Variants in KCNAB2 observed in about 807,000 individuals in gnomAD.
KCNAB2 encodes the protein voltage-gated potassium channel subunit beta-2.
KCNAB2 carries 29 observed loss-of-function variants against 63.6 expected under a neutral mutation model. That is an observed-to-expected ratio of 0.46 (90% confidence interval 0.34 to 0.62). The LOEUF (loss-of-function observed/expected upper bound fraction) is 0.62. Among genes scored for constraint, KCNAB2 ranks in the 20% least tolerant of loss-of-function variants. The pLI is 0.01. For missense variants in KCNAB2, 359 were observed against 563.9 expected (o/e 0.64, Z 3.68); for synonymous variants, 222 against 224.2 (o/e 0.99, Z 0.09).
chr1:6,071,809 C>T lies in KCNAB2; in HGVS notation c.219-946C>T, dbSNP rs896813593. On this transcript the variant is annotated intron_variant, in intron 2 of 15. Transcript: ENST00000378083. The surrounding 1 kb of genome is among the most constrained non-coding windows in gnomAD (Gnocchi z 8.5). ...TCCTGCCACATAGGGCACCTCCTGC[C>T]GCGAGGGCACCTCCTGCCGCATAGG... Among the ~76,000 whole-genome samples, 3 of 150,264 alleles carry T rather than the reference C, an allele frequency of 2.0e-5. No individual in the cohort carries two copies. Among genetic ancestry groups the T allele is most frequent in the East Asian group, 2.0e-4 (1 of 5,102 alleles).
intron 1 of KCNAB2, among the ~76,000 whole-genome samples, chr1:5,999,004 C>T (rs1015053730): frequency 9.2e-5 from 14 of 152,230 alleles, no homozygotes; most frequent in Admixed American, 1.3e-4. Context: ...GGCTGGCGGG[C>T]GTAGACGAAG....
intron 2 of KCNAB2, among the ~76,000 whole-genome samples, chr1:6,070,129 G>A (rs1003008701): frequency 4.6e-5 from 7 of 152,172 alleles, no homozygotes; most frequent in Non-Finnish European, 7.3e-5. Context: ...CTCCCTTCTC[G>A]ATGCCCAGAC....
chr1:6,032,043 C>T (rs530302013), upstream of KCNAB2, among the ~76,000 whole-genome samples: 35 of 152,178 alleles, frequency 2.3e-4, 1 homozygote, highest in Non-Finnish European at 4.4e-4. Flanking sequence ...ACCAGCAATG[C>T]CTTCCTGGGG....
At chr1:6,020,848 T>G (rs1260296262) in intron 1 of KCNAB2, among the ~76,000 whole-genome samples, 3 of 152,118 alleles carry the variant, frequency 2.0e-5, no homozygotes, top group Non-Finnish European at 4.4e-5. Context: ...TGTGTAGAGA[T>G]GGGGTTTCAC....
At chr1:6,007,057 G>T (rs1657839098) in intron 1 of KCNAB2, among the ~76,000 whole-genome samples, 1 of 152,154 alleles carries the variant, frequency 6.6e-6, no homozygotes, top group African/African-American at 2.4e-5. Context: ...CTCAGGGCTG[G>T]CCGAGAGTCA....
chr1:6,041,909 C>T (rs182407257), upstream of KCNAB2: 46 of 1,605,660 alleles, frequency 2.9e-5, no homozygotes, highest in East Asian at 4.5e-4. Flanking sequence ...CCCAGCGAGC[C>T]GAAGGCCAGG....
At chr1:6,072,902 T>G in intron 3 of KCNAB2, 104 bp downstream of exon 3, 3 of 1,071,012 alleles carry the variant, frequency 2.8e-6, no homozygotes, top group Non-Finnish European at 2.8e-6. Flanking sequence ...GCCCAAACCT[T>G]GGCACTCCCC....
At chr1:6,070,849 C>G (rs1055805746) in intron 2 of KCNAB2, among the ~76,000 whole-genome samples, 1 of 152,184 alleles carries the variant, frequency 6.6e-6, no homozygotes, top group African/African-American at 2.4e-5. Flanking sequence ...TTCAGAGCCT[C>G]AGCCCATAGC....
intron 1 of KCNAB2, among the ~76,000 whole-genome samples, chr1:6,027,054 C>T (rs768838255): frequency 2.2e-4 from 34 of 152,226 alleles, no homozygotes; most frequent in Non-Finnish European, 4.1e-4. Flanking sequence ...CACCCTGCAA[C>T]CCCTTGCACA....
chr1:6,025,330 G>A (rs1659078241), intron 1 of KCNAB2, among the ~76,000 whole-genome samples: 1 of 152,118 alleles, frequency 6.6e-6, no homozygotes, highest in Admixed American at 6.5e-5. Context: ...GGTGCAGGTG[G>A]CTGGCACCAT....
At chr1:6,039,208 C>G (rs1327504783) in intron 1 of KCNAB2, among the ~76,000 whole-genome samples, 1 of 152,190 alleles carries the variant, frequency 6.6e-6, no homozygotes, top group East Asian at 1.9e-4. Flanking sequence ...CATCCGCAGA[C>G]AGTGTGAGCT....
At chr1:6,077,643 G>A (rs755163127) in intron 4 of KCNAB2, among the ~76,000 whole-genome samples, 14 of 152,342 alleles carry the variant, frequency 9.2e-5, no homozygotes, top group South Asian at 4.1e-4. Context: ...CAGGGCCACC[G>A]TGCTCCGGAG....
chr1:6,096,607 G>C lies in KCNAB2; in HGVS notation c.949-29G>C, dbSNP rs1210806973. ...TCCAGGTGACCTGCTCTCATCTGTA[G>C]CTGTGCTGCTCCCCTCCCCCGCAAC... On this transcript the variant is annotated intron_variant, in intron 13 of 15. Coordinates refer to ENST00000378083, the MANE Select transcript of KCNAB2 (RefSeq NM_001199862.2). This position sits in a 1 kb window ranked among gnomAD's most constrained non-coding sequence, Gnocchi z 5.9. 1.2e-6 allele frequency: 2 copies of C among 1,602,946 alleles called. No homozygotes were observed. Among genetic ancestry groups the C allele is most frequent in the African/African-American group, 2.7e-5 (2 of 74,798 alleles).
intron 13 of KCNAB2, 27 bp downstream of exon 13, chr1:6,095,651 A>G: frequency 6.2e-7 from 1 of 1,605,556 alleles, no homozygotes; most frequent in Non-Finnish European, 8.5e-7. Context: ...GTGGGGAGGG[A>G]CGGGCAGGGG....
intron 1 of KCNAB2, among the ~76,000 whole-genome samples, chr1:5,999,939 C>T (rs982432256): frequency 1.4e-5 from 2 of 143,320 alleles, no homozygotes; most frequent in African/African-American, 5.4e-5. Flanking sequence ...ATCCCGCCTG[C>T]GCCCTGTCTG....
intron 2 of KCNAB2, among the ~76,000 whole-genome samples, chr1:6,066,432 T>C (rs527362133): frequency 8.1e-4 from 124 of 152,334 alleles, no homozygotes; most frequent in African/African-American, 2.7e-3. Flanking sequence ...TGCTTAGTGC[T>C]TGGTAGATGA....
chr1:6,075,967 CAT>C (rs1344527419), intron 4 of KCNAB2, among the ~76,000 whole-genome samples: 10 of 152,242 alleles, frequency 6.6e-5, no homozygotes, highest in African/African-American at 2.4e-4. Flanking sequence ...TTTATTAGGA[CAT>C]AGCCACGCCC....
intron 9 of KCNAB2, 150 bp from the exon 10 acceptor site, chr1:6,091,113 G>A (rs1416269274): frequency 2.6e-5 from 18 of 684,066 alleles, no homozygotes; most frequent in South Asian, 6.1e-5. Context: ...CAGCACGCAC[G>A]TGCGTGTGTT....
At chr1:6,093,714 C>T (rs923783788) in intron 10 of KCNAB2, among the ~76,000 whole-genome samples, 25 of 152,210 alleles carry the variant, frequency 1.6e-4, no homozygotes, top group Non-Finnish European at 2.2e-4. Flanking sequence ...AGGGGACAGG[C>T]GGGTTGGGAC....
Sources: gnomAD v4.1 joint callset for allele counts (sites outside exome capture counted in the v4.1 genomes callset) on GRCh38, gnomAD v4.1.1 for gene constraint, Gnocchi (gnomAD v3.1) non-coding constraint, MANE v1.5 for transcripts, NCBI Gene and HGNC (gene_info 2026-07-23, HGNC 2026-07-21) for gene names.